The following TC2N variants were observed in gnomAD, a reference collection of about 807,000 sequenced individuals.
TC2N encodes tandem C2 domains nuclear protein.
In TC2N, 51 loss-of-function variants were observed where a neutral mutation model predicts 61.9. That is an observed-to-expected ratio of 0.82 (90% CI 0.66 to 1.04). The LOEUF (loss-of-function observed/expected upper bound fraction) is 1.04. Ranked by LOEUF, TC2N falls within the 50% of genes least tolerant of loss-of-function variation. The probability of loss-of-function intolerance (pLI) is 0.00; values close to 1 mark genes in which losing one functional copy is unlikely to be tolerated. For synonymous variants in TC2N, 204 were observed against 192.6 expected, an observed-to-expected ratio of 1.06 and a Z score of -0.49; for missense variants, 556 against 566.7, an observed-to-expected ratio of 0.98 and a Z score of 0.19.
At chr14:91,827,846 A>T (rs1887567221) in intron 1 of TC2N, among the ~76,000 whole-genome samples, 1 of 152,244 alleles carries the variant, frequency 6.6e-6, no homozygotes, top group Admixed American at 6.5e-5. Context: ...GTTGCATAGT[A>T]AAAGGACTAT....
intron 1 of TC2N, among the ~76,000 whole-genome samples, chr14:91,853,658 A>G (rs1888420790): frequency 1.9e-4 from 7 of 36,800 alleles, no homozygotes; most frequent in African/African-American, 8.5e-4. Context: ...GTACACACAC[A>G]CACACACACA....
chr14:91,795,236 G>A (rs1264944565), intron 8 of TC2N, among the ~76,000 whole-genome samples: 3 of 152,108 alleles, frequency 2.0e-5, no homozygotes, highest in Non-Finnish European at 2.9e-5. Flanking sequence ...TGCTGTGAAC[G>A]TTGTTGAAAT....
Position 91,780,317 on chromosome 14 carries a change from G to A in TC2N, c.*2783C>T, listed in dbSNP as rs2139812508. ...GATATAGTTTATACCTGGCTGTTGAGTACATTAGTATCAGAGAAATTCATG... is the reference window on the plus strand; with the variant it reads ...GATATAGTTTATACCTGGCTGTTGAATACATTAGTATCAGAGAAATTCATG... On this transcript the variant is annotated 3_prime_UTR_variant, in exon 12 of 12. Coordinates refer to ENST00000435962, the MANE Select transcript of TC2N (RefSeq NM_001128596.3). 1 of 152,334 alleles carries A rather than the reference G, an allele frequency of 6.6e-6. No homozygotes were observed. The highest frequency in any genetic ancestry group is 2.1e-4 in the South Asian group (1 of 4,826). The allele number at this position is 152,334 out of a possible 1,614,324, so 9.4% of individuals were successfully genotyped here.
intron 8 of TC2N, among the ~76,000 whole-genome samples, chr14:91,794,596 C>T (rs1885811888): frequency 6.7e-6 from 1 of 148,498 alleles, no homozygotes. Flanking sequence ...TGGATAACAG[C>T]ATATCTGTTT....
intron 3 of TC2N, among the ~76,000 whole-genome samples, chr14:91,806,309 A>G (rs1403942476): frequency 1.3e-5 from 2 of 152,228 alleles, no homozygotes; most frequent in Admixed American, 6.5e-5. Context: ...AAGATACCCA[A>G]AAATGTGGAA....
At chr14:91,860,124 A>C (rs1209745630) in intron 1 of TC2N, among the ~76,000 whole-genome samples, 2 of 152,116 alleles carry the variant, frequency 1.3e-5, no homozygotes, top group African/African-American at 4.8e-5. Flanking sequence ...ATTTTTCTTA[A>C]TTCTCATCTC....
At chr14:91,788,118 G>A (rs1885456248) in intron 9 of TC2N, among the ~76,000 whole-genome samples, 1 of 152,062 alleles carries the variant, frequency 6.6e-6, no homozygotes, top group Admixed American at 6.6e-5. Context: ...TGGATTAAGA[G>A]TGAATTACTA....
chr14:91,802,271 T>G lies in TC2N; in HGVS notation c.452A>C (p.Lys151Thr), dbSNP rs2402073. 1,551,985 of 1,589,852 alleles carry G rather than the reference T, an allele frequency of 0.98. 757,693 individuals carry two copies. The highest frequency in any genetic ancestry group is 1 in the East Asian group (42,741 of 42,746). Residue 151 changes from lysine (K) to threonine (T), a missense_variant, in exon 4 of 12, where the codon AAG (lysine) becomes ACG (threonine). Transcript: ENST00000435962. ...CTTCATACCCGATCCATACAGTCTC[T>G]TCACTTCTGAACGGGGAGGAAAGCG... ...SRRFPPRSEV[K>T]RLYGSVCDLR...
intron 1 of TC2N, among the ~76,000 whole-genome samples, chr14:91,855,482 T>C (rs1273709200): frequency 1.3e-5 from 2 of 152,208 alleles, no homozygotes; most frequent in African/African-American, 4.8e-5. Context: ...TCTGCTTCCA[T>C]CTTTGTGTGG....
At chr14:91,833,279 A>G (rs1887866828) in intron 1 of TC2N, among the ~76,000 whole-genome samples, 2 of 152,354 alleles carry the variant, frequency 1.3e-5, no homozygotes, top group East Asian at 1.9e-4. Flanking sequence ...TGGTTGTGGT[A>G]CAAAACATTA....
chr14:91,801,408 A>G (rs993968174), intron 4 of TC2N, among the ~76,000 whole-genome samples: 4 of 152,198 alleles, frequency 2.6e-5, no homozygotes, highest in African/African-American at 9.6e-5. Flanking sequence ...AATCCCAGCA[A>G]TTTGGGAGGC....
At chr14:91,851,733 T>C (rs1888380579) in intron 1 of TC2N, among the ~76,000 whole-genome samples, 1 of 152,184 alleles carries the variant, frequency 6.6e-6, no homozygotes, top group Non-Finnish European at 1.5e-5. Flanking sequence ...AGAAGCACAC[T>C]AGCCTGGTGC....
At chr14:91,823,497 G>A (rs568763099) in intron 1 of TC2N, among the ~76,000 whole-genome samples, 1 of 147,272 alleles carries the variant, frequency 6.8e-6, no homozygotes, top group African/African-American at 2.6e-5. Flanking sequence ...TCCAGACTGG[G>A]CAACAAGAGC....
At chr14:91,817,778 C>T (rs1377513218) in intron 1 of TC2N, among the ~76,000 whole-genome samples, 1 of 151,872 alleles carries the variant, frequency 6.6e-6, no homozygotes, top group East Asian at 1.9e-4. Context: ...TTGAGTCATC[C>T]AAAATGAGTT....
intron 1 of TC2N, among the ~76,000 whole-genome samples, chr14:91,848,463 C>T (rs1005272250): frequency 6.6e-6 from 1 of 152,164 alleles, no homozygotes; most frequent in African/African-American, 2.4e-5. Context: ...TTTTTGTTAC[C>T]TGTCTTACCT....
intron 8 of TC2N, 49 bp downstream of exon 8, chr14:91,797,736 T>TAA (rs71120197): frequency 1.7e-4 from 155 of 888,440 alleles, no homozygotes; most frequent in African/African-American, 4.7e-4. Context: ...GTGACAAATA[T>TAA]AAAAAAAAAA....
intron 4 of TC2N, among the ~76,000 whole-genome samples, chr14:91,801,770 C>T (rs1396536988): frequency 6.6e-6 from 1 of 152,172 alleles, no homozygotes; most frequent in Non-Finnish European, 1.5e-5. Context: ...TAGCTAACTT[C>T]TTTCTCTTTT....
intron 10 of TC2N, among the ~76,000 whole-genome samples, chr14:91,786,471 G>A (rs1445761506): frequency 6.6e-6 from 1 of 152,100 alleles, no homozygotes; most frequent in African/African-American, 2.4e-5. Context: ...TGAAAATTTG[G>A]TAGAATCTCC....
chr14:91,839,630 A>G (rs1404261201), intron 1 of TC2N, among the ~76,000 whole-genome samples: 3 of 152,250 alleles, frequency 2.0e-5, no homozygotes, highest in East Asian at 3.8e-4. Context: ...ATAAATTCCT[A>G]GAGTGCTTGT....
Sources: gnomAD v4.1 joint callset for allele counts (sites outside exome capture counted in the v4.1 genomes callset) on GRCh38, gnomAD v4.1.1 for gene constraint, MANE v1.5 for transcripts, NCBI Gene and HGNC (gene_info 2026-07-23, HGNC 2026-07-21) for gene names.